MYH15: variants seen among roughly 807,000 people sequenced by gnomAD.
MYH15 encodes myosin-15.
MYH15 carries 227 observed loss-of-function variants against 240.5 expected under a neutral mutation model. The ratio of observed to expected loss-of-function variants is 0.94; its 90% confidence interval spans 0.85 to 1.05. MYH15 has a LOEUF of 1.05. MYH15 is among the 50% of genes least tolerant of loss of function. The pLI, the probability that MYH15 is intolerant of heterozygous loss-of-function variation, is 0.00. For missense variants in MYH15, 2,217 were observed against 2,247.5 expected (o/e 0.99, Z 0.27); for synonymous variants, 785 against 796.7 (o/e 0.99, Z 0.25).
chr3:108,471,385 T>C (rs2083175701), intron 12 of MYH15, among the ~76,000 whole-genome samples: 2 of 152,216 alleles, frequency 1.3e-5, no homozygotes, highest in South Asian at 4.1e-4. Flanking sequence ...TCAGAATCTG[T>C]AAGCTAACAA....
chr3:108,404,698 G>C (rs2082533215), intron 33 of MYH15, among the ~76,000 whole-genome samples: 1 of 152,214 alleles, frequency 6.6e-6, no homozygotes, highest in South Asian at 2.1e-4. Flanking sequence ...AGACTCAGCT[G>C]CTTTAACAAG....
At chr3:108,398,977 C>A in intron 34 of MYH15, 98 bp downstream of exon 34, 1 of 1,467,552 alleles carries the variant, frequency 6.8e-7, no homozygotes, top group South Asian at 1.2e-5. Context: ...ATTTGTTGTC[C>A]TCATCTTTAC....
chr3:108,527,345 A>G (rs2083680447), intron 1 of MYH15, among the ~76,000 whole-genome samples: 1 of 152,142 alleles, frequency 6.6e-6, no homozygotes, highest in South Asian at 2.1e-4. Context: ...CTGGTGACCC[A>G]GACAGACACT....
chr3:108,399,330 C>G, intron 33 of MYH15, 63 bp from the exon 34 acceptor site: 2 of 1,348,630 alleles, frequency 1.5e-6, no homozygotes, highest in South Asian at 2.6e-5. Flanking sequence ...AATTCACCTG[C>G]TATGTTTAAA....
At chr3:108,526,935 T>A (rs2083676999) in intron 1 of MYH15, among the ~76,000 whole-genome samples, 1 of 152,222 alleles carries the variant, frequency 6.6e-6, no homozygotes, top group Non-Finnish European at 1.5e-5. Context: ...TATCTGTAGC[T>A]AATCCACTTT....
At chr3:108,410,396 T>C (rs1339319042) in intron 31 of MYH15, among the ~76,000 whole-genome samples, 187 bp downstream of exon 31, 1 of 152,194 alleles carries the variant, frequency 6.6e-6, no homozygotes, top group Non-Finnish European at 1.5e-5. Context: ...AAACTAGTCT[T>C]ACTTTTAGAA....
intron 15 of MYH15, among the ~76,000 whole-genome samples, chr3:108,464,381 C>T (rs1408924251): frequency 2.0e-5 from 3 of 152,186 alleles, no homozygotes; most frequent in Non-Finnish European, 4.4e-5. Flanking sequence ...GTCTCCATGC[C>T]TTTCTGAAGC....
At chr3:108,479,493 G>C (rs2083249131) in intron 11 of MYH15, among the ~76,000 whole-genome samples, 1 of 152,200 alleles carries the variant, frequency 6.6e-6, no homozygotes, top group African/African-American at 2.4e-5. Context: ...AGTTGTTATT[G>C]TGGTAGTCCT....
intron 12 of MYH15, among the ~76,000 whole-genome samples, chr3:108,473,399 A>C (rs1009564414): frequency 2.0e-5 from 3 of 152,248 alleles, no homozygotes; most frequent in African/African-American, 7.2e-5. Context: ...TGAGATATCC[A>C]GTGAGACAGA....
chr3:108,508,693 C>A (rs2083498065), intron 1 of MYH15, among the ~76,000 whole-genome samples: 1 of 152,056 alleles, frequency 6.6e-6, no homozygotes, highest in Non-Finnish European at 1.5e-5. Context: ...TCTTTTGAAT[C>A]TTTTTTCTAG....
At chr3:108,485,302 G>A (rs887112443) in intron 10 of MYH15, 73 bp from the exon 11 acceptor site, 1 of 1,550,832 alleles carries the variant, frequency 6.4e-7, no homozygotes, top group African/African-American at 1.4e-5. Context: ...CCCCCGCTGT[G>A]TTACACCTCG....
At chr3:108,496,064 A>G (rs944783077) in intron 6 of MYH15, among the ~76,000 whole-genome samples, 192 bp from the exon 7 acceptor site, 2 of 152,236 alleles carry the variant, frequency 1.3e-5, no homozygotes, top group African/African-American at 4.8e-5. Flanking sequence ...GGCTAACAAT[A>G]TACAATACCC....
At chr3:108,531,621 T>C (rs2107281234), upstream of MYH15, among the ~76,000 whole-genome samples, 1 of 151,636 alleles carries the variant, frequency 6.6e-6, no homozygotes, top group Middle Eastern at 3.4e-3. Context: ...TACTAAAAAA[T>C]ACAAAAAAAT....
At chr3:108,512,032 T>G (rs544010203), upstream of MYH15, among the ~76,000 whole-genome samples, 5 of 152,306 alleles carry the variant, frequency 3.3e-5, no homozygotes, top group South Asian at 8.3e-4. Flanking sequence ...ATGCAAGGAC[T>G]AGTCTTAATG....
At chr3:108,383,856 A>C in intron 39 of MYH15, 127 bp from the exon 40 acceptor site, 1 of 719,902 alleles carries the variant, frequency 1.4e-6, no homozygotes. Context: ...ATTGAATGGG[A>C]TATCATATTT....
chr3:108,456,784 T>C lies in MYH15; in HGVS notation c.2120A>G (p.Tyr707Cys), dbSNP rs528517434. Residue 707 changes from tyrosine to cysteine, a missense_variant, in exon 19 of 41, where the codon TAT becomes TGT. Coordinates refer to ENST00000693548, the MANE Select transcript of MYH15 (RefSeq NM_014981.3). ...GGTTTACCTTTGTTTAAAATCAGCA[T>C]ACTGCAGTCGGTTTGGAAAACCTTC... The part of the protein sequence containing the change: ...CREGFPNRLQ[Y>C]ADFKQRYCIL... 3.0e-5 allele frequency: 48 copies of C among 1,612,264 alleles called. No homozygotes were observed. In the South Asian group the frequency reaches 4.8e-4, roughly 16 times the overall value.
chr3:108,490,959 C>T (rs1415112836), intron 9 of MYH15, among the ~76,000 whole-genome samples: 1 of 152,048 alleles, frequency 6.6e-6, no homozygotes, highest in Admixed American at 6.6e-5. Flanking sequence ...ACATTCTCAG[C>T]TCACTGCAAC....
upstream of MYH15, among the ~76,000 whole-genome samples, chr3:108,531,463 T>C (rs199584663): frequency 1.3e-5 from 2 of 152,132 alleles, no homozygotes; most frequent in Non-Finnish European, 2.9e-5. Flanking sequence ...ATACCCATAT[T>C]TGCAGCAGGT....
At chr3:108,395,201 G>A (rs4588369) in intron 35 of MYH15, among the ~76,000 whole-genome samples, 108,794 of 151,574 alleles carry the variant, frequency 0.72, 39,417 homozygotes, top group Middle Eastern at 0.78. Context: ...CCTGGGAGGC[G>A]GGGGTTGCAG....
Sources: allele counts gnomAD v4.1 joint callset (sites outside exome capture counted in the v4.1 genomes callset), GRCh38; gene constraint gnomAD v4.1.1; transcripts MANE v1.5; gene names NCBI Gene and HGNC (gene_info 2026-07-23, HGNC 2026-07-21).